The following EXT2 variants were observed in gnomAD, a reference collection of about 807,000 sequenced individuals.
EXT2 encodes the protein exostosin glycosyltransferase 2.
EXT2 carries 53 observed loss-of-function variants against 81.6 expected under a neutral mutation model. The observed-to-expected ratio is 0.65, with a 90% CI of 0.52 to 0.82. The LOEUF (loss-of-function observed/expected upper bound fraction) is 0.82. Ranked by LOEUF, EXT2 falls within the 40% of genes least tolerant of loss-of-function variation. EXT2 has a pLI of 0.00. For missense variants in EXT2, 774 were observed against 910.2 expected (o/e 0.85, Z 1.93); for synonymous variants, 320 against 340.0 (o/e 0.94, Z 0.65).
intron 7 of EXT2, among the ~76,000 whole-genome samples, chr11:44,150,301 A>C (rs1432653705): frequency 3.8e-5 from 1 of 26,502 alleles, no homozygotes; most frequent in African/African-American, 9.0e-5. Flanking sequence ...TAATATTAAA[A>C]CTTTTTTTTT....
Position 44,114,781 on chromosome 11 carries a change from T to C in EXT2, c.743+480T>C, listed in dbSNP as rs77760447. Among the ~76,000 whole-genome samples the C allele has an allele frequency of 3.9e-3, 584 of 151,532 alleles. 5 individuals are homozygous for C. Among genetic ancestry groups the C allele is most frequent in the African/African-American group, 0.013 (560 of 41,524 alleles). The stretch of plus-strand genomic sequence containing the variant: ...ATTGCCCTTAGGATAAGATTCACGT[T>C]AGTCCTTAGCCCACAGTCCCTAAAA... On this transcript the variant is annotated intron_variant, in intron 4 of 13. Transcript: ENST00000533608.
At chr11:44,148,615 TA>T (rs1954752265) in intron 7 of EXT2, among the ~76,000 whole-genome samples, 1 of 152,186 alleles carries the variant, frequency 6.6e-6, no homozygotes, top group South Asian at 2.1e-4. Context: ...GAGGATTAAA[TA>T]AATTAATACA....
intron 8 of EXT2, among the ~76,000 whole-genome samples, chr11:44,183,574 A>G (rs1955266190): frequency 6.6e-6 from 1 of 151,952 alleles, no homozygotes; most frequent in Non-Finnish European, 1.5e-5. Context: ...AATCTTTGTT[A>G]GGCCTTTTAT....
Position 44,220,061 on chromosome 11 carries a change from A to G in EXT2, c.1663-12292A>G, listed in dbSNP as rs1429427029. On this transcript the variant is annotated intron_variant, in intron 10 of 13. Coordinates refer to ENST00000533608, the MANE Select transcript of EXT2 (RefSeq NM_207122.2). This position sits in a 1 kb window ranked among gnomAD's most constrained non-coding sequence, Gnocchi z 4.4. ...GGCCTGTATCCAGAGTGCAGTGTGG[A>G]TCCAGTCTAGTAGTCAGCTTGCACG... Among the ~76,000 whole-genome samples the G allele has an allele frequency of 1.3e-5, 2 of 152,212 alleles. No homozygotes were observed. Among genetic ancestry groups the G allele is most frequent in the East Asian group, 1.9e-4 (1 of 5,170 alleles).
At chr11:44,121,337 A>C (rs543166137) in intron 4 of EXT2, among the ~76,000 whole-genome samples, 2 of 152,176 alleles carry the variant, frequency 1.3e-5, no homozygotes, top group Non-Finnish European at 2.9e-5. Context: ...CCACACATCA[A>C]CATCTGTATT....
intron 6 of EXT2, among the ~76,000 whole-genome samples, chr11:44,129,722 G>C (rs1178034505): frequency 1.3e-5 from 2 of 152,212 alleles, no homozygotes; most frequent in Admixed American, 6.5e-5. Flanking sequence ...ACATGCAAAG[G>C]CCCTCTGGTA....
chr11:44,191,624 A>G (rs1444455704), intron 8 of EXT2, among the ~76,000 whole-genome samples: 1 of 152,228 alleles, frequency 6.6e-6, no homozygotes, highest in East Asian at 1.9e-4. Context: ...TGGGGTCAAG[A>G]GGTCCCAGAC....
At chr11:44,163,524 A>C (rs996392837) in intron 7 of EXT2, among the ~76,000 whole-genome samples, 2 of 152,240 alleles carry the variant, frequency 1.3e-5, no homozygotes, top group Non-Finnish European at 2.9e-5. Flanking sequence ...TATTTTGTTA[A>C]AGCCAACAAA....
At chr11:44,125,114 T>G in intron 5 of EXT2, 130 bp downstream of exon 5, 1 of 868,972 alleles carries the variant, frequency 1.2e-6, no homozygotes, top group Non-Finnish European at 1.9e-6. Context: ...AAACATAGCA[T>G]TGCTCTTTAC....
rs1956136712 is a variant in EXT2 at position 44,251,367 on chromosome 11, G to T, written c.*7080G>T. Reference sequence around the variant, plus strand: ...GGTTGGAATAGAAAGGAAACATTTGGAAGTCCACTGCAGTGTATTATATGC... The same window carrying T: ...GGTTGGAATAGAAAGGAAACATTTGTAAGTCCACTGCAGTGTATTATATGC... On this transcript the variant is annotated 3_prime_UTR_variant, in exon 14 of 14. Transcript: ENST00000533608. Among the ~76,000 whole-genome samples, 1 of 152,196 alleles carries T rather than the reference G, an allele frequency of 6.6e-6. No individual in the cohort carries two copies. The highest frequency in any genetic ancestry group is 2.1e-4 in the South Asian group (1 of 4,822).
chr11:44,133,746 A>C (rs1424568493), intron 7 of EXT2, among the ~76,000 whole-genome samples: 2 of 152,168 alleles, frequency 1.3e-5, no homozygotes, highest in African/African-American at 4.8e-5. Flanking sequence ...ATAGAGCTAA[A>C]GTTTCTGATT....
At chr11:44,225,380 T>C (rs76743060) in intron 10 of EXT2, among the ~76,000 whole-genome samples, 1,821 of 152,286 alleles carry the variant, frequency 0.012, 30 homozygotes, top group African/African-American at 0.039. Context: ...TTTCTTTTAA[T>C]GGTGTGAGCA....
intron 10 of EXT2, among the ~76,000 whole-genome samples, chr11:44,221,794 A>G (rs933541108): frequency 3.9e-5 from 6 of 152,228 alleles, no homozygotes; most frequent in Admixed American, 1.3e-4. Context: ...TCTCCTGAAT[A>G]TGAAGCTGCA....
At chr11:44,227,969 C>A (rs1002060136) in intron 10 of EXT2, among the ~76,000 whole-genome samples, 9 of 152,204 alleles carry the variant, frequency 5.9e-5, no homozygotes, top group African/African-American at 2.2e-4. Context: ...ACAATCCTTA[C>A]AACAGCCCTA....
At chr11:44,199,243 G>A (rs1209642857) in intron 9 of EXT2, among the ~76,000 whole-genome samples, 1 of 152,182 alleles carries the variant, frequency 6.6e-6, no homozygotes, top group Non-Finnish European at 1.5e-5. Context: ...GAAGATGTGG[G>A]CATCATTTAA....
At chr11:44,133,695 A>G (rs1954525753) in intron 7 of EXT2, among the ~76,000 whole-genome samples, 1 of 152,218 alleles carries the variant, frequency 6.6e-6, no homozygotes, top group South Asian at 2.1e-4. Context: ...AAGAAGAAAG[A>G]AAATCCTGCT....
chr11:44,104,662 C>T (rs1954029734), intron 1 of EXT2: 1 of 152,198 alleles, frequency 6.6e-6, no homozygotes, highest in South Asian at 2.1e-4. Context: ...ACCTTGAGAG[C>T]TTCTTGGGAA....
At chr11:44,167,138 C>T (rs1453703261) in intron 7 of EXT2, among the ~76,000 whole-genome samples, 1 of 152,146 alleles carries the variant, frequency 6.6e-6, no homozygotes, top group Admixed American at 6.5e-5. Context: ...AGCAGTCCTA[C>T]AGGACTTAGA....
chr11:44,221,695 C>T (rs1299984398), intron 10 of EXT2, among the ~76,000 whole-genome samples: 1 of 152,124 alleles, frequency 6.6e-6, no homozygotes, highest in Non-Finnish European at 1.5e-5. Context: ...GGCCCAGGGC[C>T]AGGGTAAATC....
Sources: gnomAD v4.1 joint callset for allele counts (sites outside exome capture counted in the v4.1 genomes callset) on GRCh38, gnomAD v4.1.1 for gene constraint, Gnocchi (gnomAD v3.1) non-coding constraint, MANE v1.5 for transcripts, NCBI Gene and HGNC (gene_info 2026-07-23, HGNC 2026-07-21) for gene names.